SCUBE2: variants seen among roughly 807,000 people sequenced by gnomAD.
SCUBE2 encodes signal peptide, CUB and EGF-like domain-containing protein 2.
In SCUBE2, 114 loss-of-function variants were observed where a neutral mutation model predicts 125.9. The observed-to-expected ratio is 0.91, with a 90% CI of 0.78 to 1.06. The LOEUF is 1.06. SCUBE2 is among the 50% of genes least tolerant of loss of function. The pLI is 0.00. For missense variants in SCUBE2, 1,255 were observed against 1,301.8 expected (o/e 0.96, Z 0.55); for synonymous variants, 459 against 492.9 (o/e 0.93, Z 0.91).
In SCUBE2 at chr11:9,030,838, C is replaced by G; in HGVS notation, c.2261G>C (p.Arg754Pro). ...TCCTCCACAGGGGAAGCAGGAAGTTCGACCAGCTTCAGGCTGGAACGTGCC... is the reference window on the plus strand; with the variant it reads ...TCCTCCACAGGGGAAGCAGGAAGTTGGACCAGCTTCAGGCTGGAACGTGCC... ...ALGTFQPEAG[R>P]TSCFPCGGGL... The change falls in exon 18 of 23, where the codon CGA (arginine) becomes CCA (proline). Residue 754 changes from arginine (R) to proline (P), a missense_variant. Coordinates refer to ENST00000649792, the MANE Select transcript of SCUBE2 (RefSeq NM_001367977.2). 2.5e-6 allele frequency: 4 copies of G among 1,614,200 alleles called. No individual in the cohort carries two copies. Among genetic ancestry groups the G allele is most frequent in the Non-Finnish European group, 3.4e-6 (4 of 1,180,012 alleles).
chr11:9,084,529 GAA>G (rs35366074), intron 2 of SCUBE2, among the ~76,000 whole-genome samples: 10 of 150,874 alleles, frequency 6.6e-5, no homozygotes, highest in African/African-American at 2.4e-4. Context: ...TTGCAAAGGG[GAA>G]AAAAAAATAT....
In SCUBE2 at chr11:9,066,803, G is replaced by A; in HGVS notation, c.654C>T (p.Asn218=). ...AGTGCTGGCACCCACCGTTCCCATG[G>A]TTACAGGTCACTGACAGCAAAATGA... ...KNQRDCILTC[N]HGNGGCQHSC... is the part of the protein sequence containing the mutation. The change falls in exon 6 of 23, where the codon AAC becomes AAT. Residue 218 remains asparagine, a synonymous_variant. Transcript: ENST00000649792. The A allele has an allele frequency of 6.2e-7, 1 of 1,613,956 alleles. No individual in the cohort carries two copies. Among genetic ancestry groups the A allele is most frequent in the Non-Finnish European group, 8.5e-7 (1 of 1,179,846 alleles).
At chr11:9,069,262 C>T (rs1056427408) in intron 5 of SCUBE2, 108 bp downstream of exon 5, 11 of 1,460,644 alleles carry the variant, frequency 7.5e-6, no homozygotes, top group Middle Eastern at 2.0e-4. Flanking sequence ...AACTGCCTTC[C>T]CTGCTGCTGC....
chr11:9,030,686 G>T, intron 18 of SCUBE2, 72 bp downstream of exon 18: 2 of 1,488,452 alleles, frequency 1.3e-6, no homozygotes, highest in Non-Finnish European at 1.8e-6. Flanking sequence ...CTTGACTGGA[G>T]CCTCACGAGA....
rs193272892 is a variant in SCUBE2 at position 9,047,656 on chromosome 11, G to T, written c.1796-94C>A. 7.0e-6 allele frequency: 9 copies of T among 1,286,352 alleles called. No individual in the cohort carries two copies. The Admixed American group carries it at 1.8e-4, about 25-fold the overall frequency. 79.7% of individuals were successfully genotyped at this position (1,286,352 alleles called of 1,614,324 possible). On this transcript the variant is annotated intron_variant, in intron 15 of 22. Transcript: ENST00000649792. ...ACTGCAGGCCCTACCAACACCCCGA[G>T]CTCCCTGTGGACCGAATGGGGAGAA...
intron 4 of SCUBE2, 118 bp from the exon 5 acceptor site, chr11:9,069,613 CCCA>C: frequency 7.6e-7 from 1 of 1,312,296 alleles, no homozygotes; most frequent in South Asian, 1.4e-5. Context: ...CTCCATCAGC[CCCA>C]CATTTGAAAA....
intron 19 of SCUBE2, 49 bp downstream of exon 19, chr11:9,029,835 C>T (rs1254277775): frequency 3.7e-6 from 6 of 1,607,764 alleles, no homozygotes; most frequent in Admixed American, 1.7e-5. Context: ...TGGACCCAGA[C>T]ACCTATCTTC....
At chr11:9,038,112 C>A (rs1357743547) in intron 16 of SCUBE2, among the ~76,000 whole-genome samples, 1 of 15,684 alleles carries the variant, frequency 6.4e-5, no homozygotes, top group African/African-American at 9.4e-5. Flanking sequence ...GAGCTGGAGA[C>A]ACAGCAGAGA....
intron 4 of SCUBE2, 54 bp from the exon 5 acceptor site, chr11:9,069,549 C>A: frequency 1.9e-6 from 3 of 1,608,840 alleles, no homozygotes; most frequent in Non-Finnish European, 2.6e-6. Context: ...AATCCTGAGC[C>A]CTGGGAGAGC....
rs1862472071 is a variant in SCUBE2, at chr11:9,089,792, A to C, written c.171T>G (p.His57Gln). 6.2e-7 allele frequency: 1 copy of C among 1,613,986 alleles called. No homozygotes were observed. The highest frequency in any genetic ancestry group is 8.5e-7 in the Non-Finnish European group (1 of 1,179,914). ...DECAQGLDDC[H>Q]ADALCQNTPT... ...GTGTGTTCTGACACAGGGCGTCGGCATGGCAGTCATCTAGCCCTTGGGCAC... is the reference window on the plus strand; with the variant it reads ...GTGTGTTCTGACACAGGGCGTCGGCCTGGCAGTCATCTAGCCCTTGGGCAC... The change falls in exon 2 of 23, where the codon CAT becomes CAG. Residue 57 changes from histidine to glutamine, a missense_variant. Transcript: ENST00000649792.
At chr11:9,057,697 T>C (rs1747106568) in intron 9 of SCUBE2, among the ~76,000 whole-genome samples, 1 of 151,968 alleles carries the variant, frequency 6.6e-6, no homozygotes, top group Non-Finnish European at 1.5e-5. Flanking sequence ...TGCCCCCACC[T>C]AATTTTTGTA....
At chr11:9,063,820 C>T (rs1021365686) in intron 7 of SCUBE2, among the ~76,000 whole-genome samples, 10 of 152,232 alleles carry the variant, frequency 6.6e-5, no homozygotes, top group African/African-American at 2.4e-4. Flanking sequence ...ACTTTTTCAC[C>T]AAGAAAATTG....
intron 2 of SCUBE2, among the ~76,000 whole-genome samples, chr11:9,086,052 T>C (rs948895019): frequency 1.3e-5 from 2 of 152,156 alleles, no homozygotes; most frequent in African/African-American, 4.8e-5. Context: ...CAGGCTGGTC[T>C]CAAACCCTTG....
At position 9,060,452 on chromosome 11, in the gene SCUBE2, C is replaced by A. The variant is rs981346476; in HGVS notation, c.923G>T (p.Cys308Phe). The change falls in exon 8 of 23, where the codon TGT becomes TTT. Residue 308 changes from cysteine (C) to phenylalanine (F), a missense_variant. By Grantham distance (205) the Cys-to-Phe change is radical. Transcript: ENST00000649792. ...CAACTGGAGAGTGAATCCAACAGGA[C>A]AACTGCAGTGGACACCTGTCGAAGT... The part of the protein sequence containing the change: ...KDTSTGVHCS[C>F]PVGFTLQLDG... The A allele has an allele frequency of 1.9e-6, 3 of 1,614,018 alleles. No individual in the cohort carries two copies. In the African/African-American group the frequency reaches 4.0e-5, roughly 22 times the overall value.
intron 2 of SCUBE2, among the ~76,000 whole-genome samples, chr11:9,082,952 A>T (rs1272097948): frequency 1.3e-5 from 2 of 151,852 alleles, no homozygotes; most frequent in African/African-American, 4.8e-5. Flanking sequence ...ATTGGTGAAT[A>T]TTATAGTATG....
chr11:9,061,463 G>A (rs1859678782), intron 7 of SCUBE2, among the ~76,000 whole-genome samples: 1 of 151,834 alleles, frequency 6.6e-6, no homozygotes, highest in South Asian at 2.1e-4. Flanking sequence ...GGAGGCTGAA[G>A]CAGGAAGATC....
At chr11:9,052,901 T>C (rs1219929558) in intron 12 of SCUBE2, 69 bp from the exon 13 acceptor site, 2 of 1,283,006 alleles carry the variant, frequency 1.6e-6, no homozygotes, top group African/African-American at 1.5e-5. Flanking sequence ...GCAGCTAAAC[T>C]GTCCCCCCAC....
At chr11:9,043,082 T>C (rs893122512) in intron 16 of SCUBE2, among the ~76,000 whole-genome samples, 2 of 152,184 alleles carry the variant, frequency 1.3e-5, no homozygotes, top group African/African-American at 4.8e-5. Flanking sequence ...CTTAGCAACA[T>C]ATCCAAGGTT....
chr11:9,061,068 G>A (rs1042532584), intron 7 of SCUBE2, among the ~76,000 whole-genome samples: 1 of 152,130 alleles, frequency 6.6e-6, no homozygotes, highest in Non-Finnish European at 1.5e-5. Context: ...TCATAACCAC[G>A]TGAAAAATAA....
Sources: gnomAD v4.1 joint callset for allele counts (sites outside exome capture counted in the v4.1 genomes callset) on GRCh38, gnomAD v4.1.1 for gene constraint, MANE v1.5 for transcripts, NCBI Gene and HGNC (gene_info 2026-07-23, HGNC 2026-07-21) for gene names.